CDK6: variants seen among roughly 807,000 people sequenced by gnomAD.
The protein encoded by CDK6 is cyclin-dependent kinase 6.
Under a neutral mutation model 37.1 loss-of-function variants are expected in CDK6, and 6 were observed. That is an observed-to-expected ratio of 0.16 (90% CI 0.09 to 0.32). CDK6 has a LOEUF of 0.32. Among genes scored for constraint, CDK6 ranks in the 10% least tolerant of loss-of-function variants. The pLI is 1.00. For missense variants in CDK6, 224 were observed against 418.9 expected, an observed-to-expected ratio of 0.53 and a Z score of 4.06; for synonymous variants, 160 against 161.3, an observed-to-expected ratio of 0.99 and a Z score of 0.06.
intron 2 of CDK6, among the ~76,000 whole-genome samples, chr7:92,776,569 CTGT>C (rs1405342470): frequency 6.6e-6 from 1 of 152,236 alleles, no homozygotes; most frequent in African/African-American, 2.4e-5. Flanking sequence ...TCTCCAGCAT[CTGT>C]TGTTTCCTGA....
chr7:92,650,994 A>T (rs1272701371), intron 5 of CDK6, among the ~76,000 whole-genome samples: 1 of 151,520 alleles, frequency 6.6e-6, no homozygotes, highest in Non-Finnish European at 1.5e-5. Flanking sequence ...GGTTCAAGTG[A>T]TTCTCCTGCC....
intron 4 of CDK6, among the ~76,000 whole-genome samples, chr7:92,693,432 G>A (rs561481557): frequency 2.6e-5 from 4 of 152,212 alleles, no homozygotes; most frequent in African/African-American, 9.6e-5. Flanking sequence ...TGATCTAGAA[G>A]GTGACTCTCA....
At position 92,756,787 on chromosome 7, in the gene CDK6, A is replaced by G. The variant is rs1799329653; in HGVS notation, c.369+17909T>C. The stretch of plus-strand genomic sequence containing the variant: ...TTTCCAATAACAAATGGGATTAACA[A>G]AATTCTCCATTTCAATTGGGCAAGA... On this transcript the variant is annotated intron_variant, in intron 3 of 7. Transcript: ENST00000424848. 2.0e-5 allele frequency among the ~76,000 whole-genome samples: 3 copies of G among 152,328 alleles called. No individual in the cohort carries two copies. In the South Asian group the frequency reaches 6.2e-4, roughly 32 times the overall value.
intron 3 of CDK6, among the ~76,000 whole-genome samples, chr7:92,752,502 A>G (rs552079363): frequency 1.3e-5 from 2 of 152,388 alleles, no homozygotes; most frequent in South Asian, 4.1e-4. Context: ...TTGGGACCTA[A>G]AATGAGAAAC....
chr7:92,659,660 CATA>C (rs2116577598), intron 5 of CDK6, among the ~76,000 whole-genome samples: 1 of 151,630 alleles, frequency 6.6e-6, no homozygotes, highest in African/African-American at 2.4e-5. Flanking sequence ...CTTTTGAATT[CATA>C]ATAAGGAAGA....
intron 3 of CDK6, among the ~76,000 whole-genome samples, chr7:92,737,327 T>C (rs1208140621): frequency 1.3e-5 from 2 of 152,240 alleles, no homozygotes; most frequent in African/African-American, 4.8e-5. Flanking sequence ...TCTGTTGTTT[T>C]AATTAAATCA....
chr7:92,609,448 G>A lies in CDK6; in HGVS notation c.*5692C>T, dbSNP rs563951956. 8.8e-6 allele frequency: 2 copies of A among 227,524 alleles called. No individual in the cohort carries two copies. Among genetic ancestry groups the A allele is most frequent in the Admixed American group, 1.1e-4 (2 of 17,552 alleles). The allele number at this position is 227,524 out of a possible 1,614,324, so 14.1% of individuals were successfully genotyped here. A position where few individuals can be genotyped will look rare whatever the true frequency, so the allele number is the denominator to read the frequency against. On this transcript the variant is annotated 3_prime_UTR_variant, in exon 8 of 8. Transcript: ENST00000424848. ...ACTTCAGACTTTTTTTTTTTAATTA[G>A]AGCTTCTTATGAATTTACATTTGTG...
rs1164446569 is a variant in CDK6 at position 92,834,236 on chromosome 7, C to G, written c.-367-546G>C. On this transcript the variant is annotated intron_variant, in intron 1 of 7. Coordinates refer to ENST00000424848, the MANE Select transcript of CDK6 (RefSeq NM_001145306.2). The surrounding 1 kb of genome is among the most constrained non-coding windows in gnomAD (Gnocchi z 4.6). ...GTGGGGGCTCCCAGGACCCTGTAAC[C>G]CGATGCTGGGAGTGTGCGAGAAGGG... Among the ~76,000 whole-genome samples the G allele has an allele frequency of 6.6e-6, 1 of 152,060 alleles. No homozygotes were observed. The highest frequency in any genetic ancestry group is 1.5e-5 in the Non-Finnish European group (1 of 68,006).
At chr7:92,691,546 T>C (rs1257613938) in intron 4 of CDK6, among the ~76,000 whole-genome samples, 2 of 152,226 alleles carry the variant, frequency 1.3e-5, no homozygotes, top group East Asian at 1.9e-4. Context: ...ATTTCTTAGA[T>C]TTTTGGGCAA....
At chr7:92,815,002 T>G (rs1202254169) in intron 2 of CDK6, among the ~76,000 whole-genome samples, 3 of 152,186 alleles carry the variant, frequency 2.0e-5, no homozygotes, top group African/African-American at 4.8e-5. Context: ...GGGAGGCCAC[T>G]GCCCTAGAAC....
intron 5 of CDK6, among the ~76,000 whole-genome samples, chr7:92,659,196 T>C (rs771157248): frequency 2.0e-5 from 3 of 152,202 alleles, no homozygotes; most frequent in Non-Finnish European, 2.9e-5. Flanking sequence ...ATCCTTTTAT[T>C]TGATGACTTA....
chr7:92,782,804 A>G (rs1306961411), intron 2 of CDK6, among the ~76,000 whole-genome samples: 3 of 152,228 alleles, frequency 2.0e-5, no homozygotes, highest in South Asian at 2.1e-4. Flanking sequence ...ACTTGCAACA[A>G]AAAATTGTCC....
intron 3 of CDK6, among the ~76,000 whole-genome samples, chr7:92,756,111 G>A (rs1799313090): frequency 6.6e-6 from 1 of 151,052 alleles, no homozygotes; most frequent in South Asian, 2.1e-4. Flanking sequence ...TATAGATTAG[G>A]CCCTGCTGAT....
intron 5 of CDK6, among the ~76,000 whole-genome samples, chr7:92,639,063 T>G (rs1796240846): frequency 6.6e-6 from 1 of 152,186 alleles, no homozygotes; most frequent in African/African-American, 2.4e-5. Flanking sequence ...ATCATCTGCT[T>G]CTTTATGGAT....
intron 4 of CDK6, among the ~76,000 whole-genome samples, chr7:92,719,388 T>C (rs563372613): frequency 3.3e-5 from 5 of 152,206 alleles, no homozygotes; most frequent in Non-Finnish European, 7.3e-5. Flanking sequence ...TTTCCAAAAT[T>C]AAGTTTTGTA....
intron 5 of CDK6, among the ~76,000 whole-genome samples, chr7:92,661,146 C>T (rs1431989120): frequency 6.6e-6 from 1 of 152,090 alleles, no homozygotes; most frequent in East Asian, 1.9e-4. Context: ...GAGGAGGCTC[C>T]TGGATGCAAT....
At chr7:92,786,774 G>A (rs1800152687) in intron 2 of CDK6, among the ~76,000 whole-genome samples, 1 of 150,938 alleles carries the variant, frequency 6.6e-6, no homozygotes, top group Non-Finnish European at 1.5e-5. Flanking sequence ...TAATGGTACT[G>A]ATACATCTTT....
chr7:92,757,519 G>A (rs1279564626), intron 3 of CDK6, among the ~76,000 whole-genome samples: 1 of 152,192 alleles, frequency 6.6e-6, no homozygotes, highest in East Asian at 1.9e-4. Context: ...ATTCCATGGT[G>A]TATATGTACC....
intron 4 of CDK6, among the ~76,000 whole-genome samples, chr7:92,691,120 A>T (rs1797592058): frequency 6.6e-6 from 1 of 152,264 alleles, no homozygotes; most frequent in Non-Finnish European, 1.5e-5. Context: ...GAAGACATTT[A>T]TTGTAGTATA....
Sources: allele counts gnomAD v4.1 joint callset (sites outside exome capture counted in the v4.1 genomes callset), GRCh38; gene constraint gnomAD v4.1.1; non-coding constraint Gnocchi (gnomAD v3.1); transcripts MANE v1.5; gene names NCBI Gene and HGNC (gene_info 2026-07-23, HGNC 2026-07-21).